Variants in PRORP observed in about 807,000 individuals in gnomAD.
PRORP encodes mitochondrial ribonuclease P catalytic subunit.
PRORP carries 51 observed loss-of-function variants against 59.4 expected under a neutral mutation model. That is an observed-to-expected ratio of 0.86 (90% confidence interval 0.69 to 1.08). The LOEUF is 1.08. Among genes scored for constraint, PRORP ranks in the 50% least tolerant of loss-of-function variants. The pLI is 0.00. For missense variants in PRORP, 646 were observed against 690.3 expected (o/e 0.94, Z 0.72); for synonymous variants, 231 against 245.6 (o/e 0.94, Z 0.55).
At chr14:35,260,581 A>T (rs995162545) in intron 5 of PRORP, among the ~76,000 whole-genome samples, 1 of 152,270 alleles carries the variant, frequency 6.6e-6, no homozygotes, top group Non-Finnish European at 1.5e-5. Context: ...CCTAGGTGCC[A>T]TAGTGAATGT....
chr14:35,267,123 G>A (rs2051062357), intron 6 of PRORP, among the ~76,000 whole-genome samples: 1 of 152,056 alleles, frequency 6.6e-6, no homozygotes, highest in Non-Finnish European at 1.5e-5. Context: ...GTGGAGGGAA[G>A]TTAAGTCAGG....
chr14:35,154,045 A>G (rs1254072143), intron 4 of PRORP, among the ~76,000 whole-genome samples: 1 of 152,212 alleles, frequency 6.6e-6, no homozygotes, highest in East Asian at 1.9e-4. Context: ...TGGTCTTTAA[A>G]CAGAGACAGT....
chr14:35,209,788 G>A lies in PRORP; in HGVS notation c.1275+29011G>A, dbSNP rs532775468. ...TGACCTCAGGTGATCCACCGTCCTC[G>A]GCCTCCCAAAGTGCTGGGATTACAG... is the stretch of plus-strand genomic sequence containing the variant. On this transcript the variant is annotated intron_variant, in intron 5 of 7. Coordinates refer to ENST00000534898, the MANE Select transcript of PRORP (RefSeq NM_014672.4). Among the ~76,000 whole-genome samples, 8 of 152,150 alleles carry A rather than the reference G, an allele frequency of 5.3e-5. No individual in the cohort carries two copies. The South Asian group carries it at 8.3e-4, about 16-fold the overall frequency.
chr14:35,152,539 G>T (rs1375280805), intron 4 of PRORP, among the ~76,000 whole-genome samples: 1 of 150,214 alleles, frequency 6.7e-6, no homozygotes, highest in African/African-American at 2.4e-5. Context: ...TCCCGGATGG[G>T]GCAGCGGCCG....
chr14:35,269,167 G>T (rs2138670890), intron 6 of PRORP, among the ~76,000 whole-genome samples: 1 of 152,238 alleles, frequency 6.6e-6, no homozygotes, highest in African/African-American at 2.4e-5. Context: ...TATCTCTTGT[G>T]TAACTTTTAT....
chr14:35,262,862 A>G lies in PRORP; in HGVS notation c.1276-3865A>G, dbSNP rs2050940294. On this transcript the variant is annotated intron_variant, in intron 5 of 7. Transcript: ENST00000534898. ...GGATGAGAACAGGTGTTGCTTGTTC[A>G]GTATCTCAAGCCCAGAAAGATGAAT... The G allele has an allele frequency of 3.3e-6, 5 of 1,535,988 alleles. No homozygotes were observed. The Admixed American group carries it at 8.4e-5, about 26-fold the overall frequency.
At chr14:35,270,346 T>A in intron 6 of PRORP, 55 bp from the exon 7 acceptor site, 1 of 1,529,598 alleles carries the variant, frequency 6.5e-7, no homozygotes, top group Non-Finnish European at 8.9e-7. Context: ...TGAAAAACAC[T>A]GTCCTCTGCC....
chr14:35,249,615 TTTG>T (rs953445108), intron 5 of PRORP, among the ~76,000 whole-genome samples: 1 of 152,052 alleles, frequency 6.6e-6, no homozygotes, highest in Non-Finnish European at 1.5e-5. Context: ...ACCTGGCTTT[TTTG>T]TTGTTGTTGT....
At chr14:35,231,862 A>G (rs1433318853) in intron 5 of PRORP, among the ~76,000 whole-genome samples, 4 of 152,346 alleles carry the variant, frequency 2.6e-5, no homozygotes, top group East Asian at 1.9e-4. Context: ...GAAACCTGAT[A>G]AATAAAACAG....
chr14:35,149,474 A>G (rs968371945), intron 4 of PRORP, among the ~76,000 whole-genome samples: 5 of 152,044 alleles, frequency 3.3e-5, no homozygotes, highest in Admixed American at 2.6e-4. Flanking sequence ...CAGCCTCCCA[A>G]AGTACTGTGA....
In PRORP at chr14:35,140,245, G is replaced by A. The variant is rs368499969; in HGVS notation, c.1167+12634G>A. On this transcript the variant is annotated intron_variant, in intron 4 of 7. Transcript: ENST00000534898. ...TTATGGTAGATATGTGTGTGTGTGTGTCGCTTTTTCAGAAACTGCCCAACT... is the reference window on the plus strand; with the variant it reads ...TTATGGTAGATATGTGTGTGTGTGTATCGCTTTTTCAGAAACTGCCCAACT... 2.2e-5 allele frequency among the ~76,000 whole-genome samples: 3 copies of A among 136,658 alleles called. No individual in the cohort carries two copies. In the South Asian group the frequency reaches 7.2e-4, roughly 33 times the overall value. 89.7% of individuals were successfully genotyped at this position (136,658 alleles called of 152,430 possible). A position where few individuals can be genotyped will look rare whatever the true frequency, so the allele number is the denominator to read the frequency against.
rs917867693 is a variant in PRORP, at chr14:35,180,478, C to T, written c.1168-192C>T. 1.2e-4 allele frequency among the ~76,000 whole-genome samples: 18 copies of T among 151,454 alleles called. 1 individual carries two copies. Among genetic ancestry groups the T allele is most frequent in the Middle Eastern group, 3.4e-3 (1 of 294 alleles). On this transcript the variant is annotated intron_variant, in intron 4 of 7. Transcript: ENST00000534898. The stretch of plus-strand genomic sequence containing the variant: ...ATAGAGTGTATTGGATAATTGTATG[C>T]AGTTGCATCCATTAGACTGGCTTTT...
chr14:35,172,082 T>C (rs1253854240), intron 4 of PRORP, among the ~76,000 whole-genome samples: 2 of 148,974 alleles, frequency 1.3e-5, no homozygotes, highest in African/African-American at 4.9e-5. Context: ...GGAGTTTCAC[T>C]CTGTTGCCCA....
intron 5 of PRORP, among the ~76,000 whole-genome samples, chr14:35,200,004 G>T (rs1174381735): frequency 6.6e-6 from 1 of 152,044 alleles, no homozygotes; most frequent in African/African-American, 2.4e-5. Flanking sequence ...ATCTTATTGG[G>T]TTTAAGCTTG....
At chr14:35,253,415 AAAAAG>A (rs1555332508) in intron 5 of PRORP, among the ~76,000 whole-genome samples, 5 of 150,992 alleles carry the variant, frequency 3.3e-5, no homozygotes, top group East Asian at 1.9e-4. Flanking sequence ...AAAGAAAGAA[AAAAAG>A]AAAAGAAAAA....
intron 6 of PRORP, among the ~76,000 whole-genome samples, 154 bp downstream of exon 6, chr14:35,267,029 A>G (rs886145309): frequency 2.6e-5 from 4 of 152,096 alleles, no homozygotes; most frequent in African/African-American, 9.7e-5. Context: ...TTACAAAACT[A>G]CGGTTTCTTC....
rs749697011 is a variant in PRORP, at chr14:35,123,334, C to T, written c.89C>T (p.Ser30Leu). 4 of 1,614,038 alleles carry T rather than the reference C, an allele frequency of 2.5e-6. No individual in the cohort carries two copies. The highest frequency in any genetic ancestry group is 1.7e-5 in the Admixed American group (1 of 60,014). ...CTAGGCCCAGGGCACTCTTATGTCTCGCTGTTTCTGGCAGACCGCTGTGGC... is the reference window on the plus strand; with the variant it reads ...CTAGGCCCAGGGCACTCTTATGTCTTGCTGTTTCTGGCAGACCGCTGTGGC... The part of the protein sequence containing the change: ...LGLGPGHSYV[S>L]LFLADRCGIR... Residue 30 changes from serine to leucine, a missense_variant, in exon 2 of 8, where the codon TCG becomes TTG. Coordinates refer to ENST00000534898, the MANE Select transcript of PRORP (RefSeq NM_014672.4).
chr14:35,192,124 C>T (rs2048898754), intron 5 of PRORP, among the ~76,000 whole-genome samples: 1 of 152,146 alleles, frequency 6.6e-6, no homozygotes, highest in Non-Finnish European at 1.5e-5. Flanking sequence ...CTGGTCTTTG[C>T]CTCTCTTTTC....
chr14:35,176,273 T>C (rs1482090812), intron 4 of PRORP, among the ~76,000 whole-genome samples: 1 of 152,186 alleles, frequency 6.6e-6, no homozygotes, highest in Non-Finnish European at 1.5e-5. Flanking sequence ...TCCAATTCTG[T>C]GAAGAAAGTC....
Sources: gnomAD v4.1 joint callset for allele counts (sites outside exome capture counted in the v4.1 genomes callset) on GRCh38, gnomAD v4.1.1 for gene constraint, MANE v1.5 for transcripts, NCBI Gene and HGNC (gene_info 2026-07-23, HGNC 2026-07-21) for gene names.